DCHS2: variants seen among roughly 807,000 people sequenced by gnomAD.
DCHS2 encodes the protein dachsous cadherin-related 2.
DCHS2 carries 142 observed loss-of-function variants against 182.4 expected under a neutral mutation model. The ratio of observed to expected loss-of-function variants is 0.78; its 90% CI spans 0.68 to 0.89. The LOEUF (loss-of-function observed/expected upper bound fraction) is 0.89. Among genes scored for constraint, DCHS2 ranks in the 40% least tolerant of loss-of-function variants. The pLI, the probability that DCHS2 is intolerant of heterozygous loss-of-function variation, is 0.00. For missense variants in DCHS2, 4,319 were observed against 4,198.6 expected, an observed-to-expected ratio of 1.03 and a Z score of -0.79; for synonymous variants, 1,740 against 1,663.3, an observed-to-expected ratio of 1.05 and a Z score of -1.12.
intron 1 of DCHS2, among the ~76,000 whole-genome samples, chr4:154,394,100 G>T (rs116454839): frequency 6.6e-6 from 1 of 151,964 alleles, no homozygotes; most frequent in African/African-American, 2.4e-5. Context: ...GGTGTGGAGC[G>T]GAAGGCTAGG....
intron 9 of DCHS2, among the ~76,000 whole-genome samples, chr4:154,316,241 A>G (rs1445750121): frequency 2.6e-5 from 4 of 152,226 alleles, no homozygotes; most frequent in Admixed American, 2.0e-4. Context: ...TTATGCAATT[A>G]TCTACTGAGA....
At chr4:154,368,960 T>C (rs1730518861) in intron 2 of DCHS2, among the ~76,000 whole-genome samples, 1 of 152,196 alleles carries the variant, frequency 6.6e-6, no homozygotes, top group African/African-American at 2.4e-5. Context: ...TTCTACTCCA[T>C]CAGTATAAAA....
intron 9 of DCHS2, among the ~76,000 whole-genome samples, chr4:154,318,402 C>A (rs1735937128): frequency 6.6e-6 from 1 of 151,772 alleles, no homozygotes; most frequent in Non-Finnish European, 1.5e-5. Context: ...AAATGAAAGT[C>A]ATCCAAATCA....
At position 154,240,561 on chromosome 4, in the gene DCHS2, T is replaced by C. The variant is rs144305095; in HGVS notation, c.7335A>G (p.Pro2445=). Residue 2445 remains proline, a synonymous_variant, in exon 18 of 20, where the codon CCA becomes CCG. Transcript: ENST00000357232. ...VRVLDVNDNP[P]VFSQDFYQVT... is the part of the protein sequence containing the mutation. ...CCTGATAGAAATCTTGAGAAAACACTGGTGGATTATCATTGACATCCAGCA... is the reference window on the plus strand; with the variant it reads ...CCTGATAGAAATCTTGAGAAAACACCGGTGGATTATCATTGACATCCAGCA... 142 of 1,613,704 alleles carry C rather than the reference T, an allele frequency of 8.8e-5. No homozygotes were observed. In the African/African-American group the frequency reaches 1.7e-3, roughly 20 times the overall value.
chr4:154,322,443 A>C lies in DCHS2; in HGVS notation c.4064T>G (p.Ile1355Arg), dbSNP rs1163396615. 6.2e-7 allele frequency: 1 copy of C among 1,613,486 alleles called. No homozygotes were observed. The highest frequency in any genetic ancestry group is 1.3e-5 in the African/African-American group (1 of 74,914). Residue 1355 changes from isoleucine to arginine, a missense_variant, in exon 8 of 20, where the codon ATA becomes AGA. Transcript: ENST00000357232. Reference protein sequence around the residue: ...HFKIDANNGEIRTTTILSYDY... With the variant: ...HFKIDANNGERRTTTILSYDY... ...ATACGAAAGTATTGTGGTTGTTCTT[A>C]TTTCACCATTGTTGGCGTCAATCTT... is the stretch of plus-strand genomic sequence containing the variant.
At chr4:154,306,360 G>A (rs780958873) in intron 10 of DCHS2, among the ~76,000 whole-genome samples, 3 of 152,048 alleles carry the variant, frequency 2.0e-5, no homozygotes, top group African/African-American at 7.2e-5. Flanking sequence ...TAGGCATTAC[G>A]TATATTATTA....
At chr4:154,253,050 A>G (rs1467653956) in intron 16 of DCHS2, among the ~76,000 whole-genome samples, 1 of 141,888 alleles carries the variant, frequency 7.0e-6, no homozygotes, top group Non-Finnish European at 1.5e-5. Flanking sequence ...TTAAATATCA[A>G]GAAAAGCACT....
At position 154,408,431 on chromosome 4, in the gene DCHS2, G is replaced by A. The variant is rs144174256; in HGVS notation, c.2053-30987C>T. ...TCTATAATTTGTATATGTTGACCACGGAAAATAAAATGTACTGGCTTTTCC... is the reference window on the plus strand; with the variant it reads ...TCTATAATTTGTATATGTTGACCACAGAAAATAAAATGTACTGGCTTTTCC... On this transcript the variant is annotated intron_variant, in intron 1 of 19. Coordinates refer to ENST00000357232, the MANE Select transcript of DCHS2 (RefSeq NM_001358235.2). 2.0e-3 allele frequency among the ~76,000 whole-genome samples: 311 copies of A among 152,178 alleles called. 1 individual carries two copies. Among genetic ancestry groups the A allele is most frequent in the African/African-American group, 7.1e-3 (294 of 41,516 alleles).
intron 18 of DCHS2, 47 bp downstream of exon 18, chr4:154,240,490 T>G: frequency 6.3e-7 from 1 of 1,591,508 alleles, no homozygotes; most frequent in Non-Finnish European, 8.6e-7. Flanking sequence ...TATTCTCTAT[T>G]CTTTCTAGTT....
intron 2 of DCHS2, among the ~76,000 whole-genome samples, chr4:154,369,936 G>A (rs1394048845): frequency 1.3e-5 from 2 of 152,118 alleles, no homozygotes; most frequent in East Asian, 1.9e-4. Flanking sequence ...ATTTTCTACC[G>A]TTACTTCTAC....
At chr4:154,304,904 G>T in intron 11 of DCHS2, 26 bp from the exon 12 acceptor site, 1 of 1,582,090 alleles carries the variant, frequency 6.3e-7, no homozygotes, top group South Asian at 1.2e-5. Flanking sequence ...AAGACGGTAT[G>T]AATTGTGGCC....
chr4:154,367,407 C>A (rs1283188057), intron 2 of DCHS2, among the ~76,000 whole-genome samples: 1 of 152,028 alleles, frequency 6.6e-6, no homozygotes, highest in Admixed American at 6.6e-5. Flanking sequence ...ATCCTGGGGG[C>A]CAGATTTGTT....
chr4:154,302,578 G>C (rs903358043), intron 12 of DCHS2, among the ~76,000 whole-genome samples: 1 of 152,056 alleles, frequency 6.6e-6, no homozygotes, highest in East Asian at 1.9e-4. Flanking sequence ...GGGCATGGTG[G>C]CTTGGCAGGC....
chr4:154,449,259 T>C (rs1734432491), intron 1 of DCHS2, among the ~76,000 whole-genome samples: 1 of 152,136 alleles, frequency 6.6e-6, no homozygotes, highest in African/African-American at 2.4e-5. Context: ...GTTATTTAAA[T>C]ATTACCATTC....
intron 1 of DCHS2, among the ~76,000 whole-genome samples, chr4:154,462,715 C>A (rs1309438183): frequency 6.6e-6 from 1 of 152,042 alleles, no homozygotes; most frequent in African/African-American, 2.4e-5. Context: ...AACCAGAAAG[C>A]ATTAAACACT....
intron 1 of DCHS2, among the ~76,000 whole-genome samples, chr4:154,482,919 C>A (rs761540558): frequency 2.0e-5 from 3 of 152,158 alleles, no homozygotes; most frequent in Non-Finnish European, 4.4e-5. Flanking sequence ...GTAAAGGCAG[C>A]AGGCTATGGT....
intron 1 of DCHS2, among the ~76,000 whole-genome samples, chr4:154,437,757 T>A (rs1733840901): frequency 6.6e-6 from 1 of 152,234 alleles, no homozygotes; most frequent in African/African-American, 2.4e-5. Context: ...TTTAAATCAT[T>A]ATATATAAGG....
chr4:154,306,274 A>C (rs1176744864), intron 10 of DCHS2, among the ~76,000 whole-genome samples: 8 of 152,118 alleles, frequency 5.3e-5, no homozygotes, highest in Non-Finnish European at 1.5e-5. Flanking sequence ...ACCCTGAGAA[A>C]AAAAGTCTAA....
intron 4 of DCHS2, 195 bp downstream of exon 4, chr4:154,334,673 G>T: frequency 3.6e-6 from 2 of 548,160 alleles, no homozygotes; most frequent in Non-Finnish European, 6.5e-6. Flanking sequence ...TATTATTTTT[G>T]TGATCAGAAA....
Sources: allele counts gnomAD v4.1 joint callset (sites outside exome capture counted in the v4.1 genomes callset), GRCh38; gene constraint gnomAD v4.1.1; transcripts MANE v1.5; gene names NCBI Gene and HGNC (gene_info 2026-07-23, HGNC 2026-07-21).